The following SV2B variants were observed in gnomAD, a reference collection of about 807,000 sequenced individuals.
SV2B encodes the protein synaptic vesicle glycoprotein 2B, also known as solute carrier family 22 member B2.
Under a neutral mutation model 73.9 loss-of-function variants are expected in SV2B, and 41 were observed. The ratio of observed to expected loss-of-function variants is 0.56; its 90% CI spans 0.43 to 0.72. The LOEUF is 0.72. Ranked by LOEUF, SV2B falls within the 30% of genes least tolerant of loss-of-function variation. The pLI is 0.00. For synonymous variants in SV2B, 314 were observed against 314.2 expected, an observed-to-expected ratio of 1.00 and a Z score of 0.01; for missense variants, 764 against 857.8, an observed-to-expected ratio of 0.89 and a Z score of 1.37.
In SV2B at chr15:91,136,517, G is replaced by A. The variant is rs1259856249; in HGVS notation, c.-392+36154G>A. 6.6e-6 allele frequency among the ~76,000 whole-genome samples: 1 copy of A among 152,230 alleles called. No homozygotes were observed. The highest frequency in any genetic ancestry group is 6.5e-5 in the Admixed American group (1 of 15,284). ...CCCAGGGAGAGAACTGTGCGGCGGAGTAAGGCTCTTGACTCAGCTGTCTGC... is the reference window on the plus strand; with the variant it reads ...CCCAGGGAGAGAACTGTGCGGCGGAATAAGGCTCTTGACTCAGCTGTCTGC... On this transcript the variant is annotated intron_variant, in intron 1 of 12. Coordinates refer to ENST00000394232, the MANE Select transcript of SV2B (RefSeq NM_001323032.3). The surrounding 1 kb of genome is among the most constrained non-coding windows in gnomAD (Gnocchi z 5.6).
Position 91,227,802 on chromosome 15 carries a change from A to G in SV2B, c.451+1088A>G, listed in dbSNP as rs2046433069. ...TTTGGTTACTGTAGGGACAGTCTCTATGAAATACCTGGTGCGATTCAGGTC... is the reference window on the plus strand; with the variant it reads ...TTTGGTTACTGTAGGGACAGTCTCTGTGAAATACCTGGTGCGATTCAGGTC... On this transcript the variant is annotated intron_variant, in intron 2 of 12. Transcript: ENST00000394232. The surrounding 1 kb of genome is among the most constrained non-coding windows in gnomAD (Gnocchi z 4.5). Among the ~76,000 whole-genome samples the G allele has an allele frequency of 1.3e-5, 2 of 152,250 alleles. No homozygotes were observed. The highest frequency in any genetic ancestry group is 2.9e-5 in the Non-Finnish European group (2 of 68,044).
At chr15:91,237,400 A>G (rs1349820176) in intron 2 of SV2B, among the ~76,000 whole-genome samples, 2 of 152,210 alleles carry the variant, frequency 1.3e-5, no homozygotes, top group Admixed American at 6.5e-5. Flanking sequence ...GTATTGCTAA[A>G]TGTCCCCTGG....
At chr15:91,135,891 CCT>C (rs1225023400) in intron 1 of SV2B, among the ~76,000 whole-genome samples, 2 of 152,190 alleles carry the variant, frequency 1.3e-5, no homozygotes, top group Non-Finnish European at 2.9e-5. Flanking sequence ...TCCTAAAACT[CCT>C]CTCTGTTCAT....
chr15:91,189,998 A>G (rs905432434), intron 1 of SV2B, among the ~76,000 whole-genome samples: 3 of 152,116 alleles, frequency 2.0e-5, no homozygotes, highest in African/African-American at 7.3e-5. Flanking sequence ...AAAAAAAAAG[A>G]AAGAAAGAAA....
chr15:91,162,834 A>G (rs1345204615), intron 1 of SV2B, among the ~76,000 whole-genome samples: 1 of 152,134 alleles, frequency 6.6e-6, no homozygotes, highest in Non-Finnish European at 1.5e-5. Flanking sequence ...GGTTTGTTAC[A>G]TATGTATACA....
At chr15:91,184,875 C>T (rs1365586746) in intron 1 of SV2B, among the ~76,000 whole-genome samples, 1 of 152,198 alleles carries the variant, frequency 6.6e-6, no homozygotes. Flanking sequence ...CATAAATGTA[C>T]ACAGGCAGAT....
intron 1 of SV2B, among the ~76,000 whole-genome samples, chr15:91,174,748 A>G (rs566233060): frequency 6.6e-6 from 1 of 152,294 alleles, no homozygotes; most frequent in Non-Finnish European, 1.5e-5. Flanking sequence ...TGACATTTCT[A>G]TGTAGCTCAT....
intron 1 of SV2B, among the ~76,000 whole-genome samples, chr15:91,219,809 G>T (rs749901917): frequency 3.3e-4 from 50 of 152,032 alleles, no homozygotes; most frequent in Non-Finnish European, 5.6e-4. Flanking sequence ...CCACAGCTCT[G>T]GGCAACCACT....
rs111517294 is a variant in SV2B at position 91,296,913 on chromosome 15, T to G, written c.*4361T>G. The G allele has an allele frequency of 1.2e-5, 1 of 81,232 alleles. No individual in the cohort carries two copies. The highest frequency in any genetic ancestry group is 2.4e-5 in the Non-Finnish European group (1 of 41,938). 5.0% of individuals were successfully genotyped at this position (81,232 alleles called of 1,614,324 possible). A position where few individuals can be genotyped will look rare whatever the true frequency, so the allele number is the denominator to read the frequency against. ...TCCTTCTGCCCGATCGTTGGGCGCA[T>G]GCTCCTTCTGCCCGATCGTTGGGAG... On this transcript the variant is annotated 3_prime_UTR_variant, in exon 13 of 13. Transcript: ENST00000394232.
intron 1 of SV2B, among the ~76,000 whole-genome samples, chr15:91,156,917 G>A (rs192938742): frequency 7.0e-4 from 106 of 152,334 alleles, no homozygotes; most frequent in African/African-American, 2.5e-3. Flanking sequence ...TTTACGTAAA[G>A]TGTCGGGACA....
In SV2B at chr15:91,221,974, A is replaced by G. The variant is rs2046234695; in HGVS notation, c.-391-3899A>G. Among the ~76,000 whole-genome samples the G allele has an allele frequency of 2.0e-5, 3 of 152,092 alleles. No individual in the cohort carries two copies. In the South Asian group the frequency reaches 6.2e-4, roughly 31 times the overall value. ...CCCATAACCTCCCACTCTTGGATCA[A>G]CTGCTGTAGGCCACCTGGTCTCTTC... is the stretch of plus-strand genomic sequence containing the variant. On this transcript the variant is annotated intron_variant, in intron 1 of 12. Coordinates refer to ENST00000394232, the MANE Select transcript of SV2B (RefSeq NM_001323032.3).
At chr15:91,237,397 T>A (rs1463088668) in intron 2 of SV2B, among the ~76,000 whole-genome samples, 2 of 152,196 alleles carry the variant, frequency 1.3e-5, no homozygotes. Context: ...CAGGTATTGC[T>A]AAATGTCCCC....
chr15:91,169,047 T>C, intron 1 of SV2B, among the ~76,000 whole-genome samples: 1 of 152,186 alleles, frequency 6.6e-6, no homozygotes, highest in East Asian at 1.9e-4. Context: ...TGTAGATATT[T>C]ATTACTCATT....
chr15:91,181,478 C>T (rs970169973), intron 1 of SV2B, among the ~76,000 whole-genome samples: 13 of 151,762 alleles, frequency 8.6e-5, no homozygotes, highest in African/African-American at 2.7e-4. Flanking sequence ...CTTTTTGTTT[C>T]GCCGTGAATT....
rs2049446279 is a variant in SV2B, at chr15:91,301,615, C to T, written c.*9063C>T. 6.6e-6 allele frequency among the ~76,000 whole-genome samples: 1 copy of T among 151,996 alleles called. No individual in the cohort carries two copies. The highest frequency in any genetic ancestry group is 1.5e-5 in the Non-Finnish European group (1 of 67,908). On this transcript the variant is annotated 3_prime_UTR_variant, in exon 13 of 13. Transcript: ENST00000394232. This position sits in a 1 kb window ranked among gnomAD's most constrained non-coding sequence, Gnocchi z 4.3. ...TAACCTAATGAGTAAGTGTTATTTT[C>T]TTCCCTTTAGAAGTGGGGAAACTGG...
intron 2 of SV2B, among the ~76,000 whole-genome samples, chr15:91,235,206 G>A (rs78453252): frequency 0.01 from 1,583 of 152,294 alleles, 29 homozygotes; most frequent in African/African-American, 0.037. Context: ...AGCCATTTGA[G>A]TGTTTTGAAA....
intron 1 of SV2B, among the ~76,000 whole-genome samples, chr15:91,155,739 A>G (rs546129982): frequency 2.4e-4 from 36 of 152,282 alleles, no homozygotes; most frequent in African/African-American, 8.7e-4. Flanking sequence ...ACTGCATTTT[A>G]TCTAAAGAGG....
rs2041773295 is a variant in SV2B, at chr15:91,102,836, C to T, written c.-392+2473C>T. Among the ~76,000 whole-genome samples the T allele has an allele frequency of 2.0e-5, 3 of 152,094 alleles. No homozygotes were observed. In the South Asian group the frequency reaches 6.2e-4, roughly 32 times the overall value. ...ACATCTGGGGAAGTGAGGGAGGAAG[C>T]CAGGGATTCTGGTAAATGACATTTT... is the stretch of plus-strand genomic sequence containing the variant. On this transcript the variant is annotated intron_variant, in intron 1 of 12. Transcript: ENST00000394232.
At position 91,259,402 on chromosome 15, in the gene SV2B, T is replaced by C. The variant is rs77822041; in HGVS notation, c.918+848T>C. Among the ~76,000 whole-genome samples, 883 of 152,292 alleles carry C rather than the reference T, an allele frequency of 5.8e-3. 8 individuals carry two copies. The highest frequency in any genetic ancestry group is 0.02 in the African/African-American group (837 of 41,560). ...CCCCAATCTGCAGAGTCCACCTATC[T>C]GCCTCCTTCCTAAGCCATGTGCAGA... On this transcript the variant is annotated intron_variant, in intron 5 of 12. Coordinates refer to ENST00000394232, the MANE Select transcript of SV2B (RefSeq NM_001323032.3).
Sources: gnomAD v4.1 joint callset for allele counts (sites outside exome capture counted in the v4.1 genomes callset) on GRCh38, gnomAD v4.1.1 for gene constraint, Gnocchi (gnomAD v3.1) non-coding constraint, MANE v1.5 for transcripts, NCBI Gene and HGNC (gene_info 2026-07-23, HGNC 2026-07-21) for gene names.